The following PLCXD3 variants were observed in gnomAD, a reference collection of about 807,000 sequenced individuals.
PLCXD3 encodes PI-PLC X domain-containing protein 3.
In PLCXD3, 19 loss-of-function variants were observed where a neutral mutation model predicts 25.5. That is an observed-to-expected ratio of 0.75 (90% CI 0.52 to 1.09). The LOEUF (loss-of-function observed/expected upper bound fraction) is 1.09, where lower values mean the gene tolerates loss of function less well. Ranked by LOEUF, PLCXD3 falls within the 50% of genes least tolerant of loss-of-function variation. The pLI is 0.00. For missense variants in PLCXD3, 411 were observed against 388.1 expected (o/e 1.06, Z -0.50); for synonymous variants, 174 against 137.6 (o/e 1.26, Z -1.85).
At chr5:41,451,340 T>C (rs1246347418) in intron 1 of PLCXD3, among the ~76,000 whole-genome samples, 2 of 152,056 alleles carry the variant, frequency 1.3e-5, no homozygotes, top group Non-Finnish European at 2.9e-5. Flanking sequence ...CATAAGATGG[T>C]ATTTGAGGAA....
intron 2 of PLCXD3, among the ~76,000 whole-genome samples, chr5:41,335,488 G>A (rs192906848): frequency 1.3e-5 from 2 of 152,228 alleles, no homozygotes; most frequent in African/African-American, 4.8e-5. Context: ...TCCAGGTTTA[G>A]TATTGACTAC....
intron 2 of PLCXD3, among the ~76,000 whole-genome samples, chr5:41,370,752 T>C (rs1745070953): frequency 6.6e-6 from 1 of 151,980 alleles, no homozygotes; most frequent in South Asian, 2.1e-4. Flanking sequence ...CAAGAAAAAA[T>C]ATGCCTCCCT....
At chr5:41,324,096 G>GA (rs1442449957) in intron 2 of PLCXD3, among the ~76,000 whole-genome samples, 7 of 152,070 alleles carry the variant, frequency 4.6e-5, no homozygotes, top group East Asian at 1.9e-4. Context: ...GAAGAAAAGA[G>GA]AAAAAATCAG....
chr5:41,348,115 C>T, intron 2 of PLCXD3, among the ~76,000 whole-genome samples: 1 of 152,210 alleles, frequency 6.6e-6, no homozygotes, highest in Admixed American at 6.5e-5. Context: ...TTGTAAAATG[C>T]TTCTCACACT....
chr5:41,330,766 C>A (rs1180442419), intron 2 of PLCXD3, among the ~76,000 whole-genome samples: 1 of 152,108 alleles, frequency 6.6e-6, no homozygotes, highest in Non-Finnish European at 1.5e-5. Context: ...TGGGCTTCAT[C>A]CCTGGGATGC....
At chr5:41,470,207 T>C in intron 1 of PLCXD3, among the ~76,000 whole-genome samples, 1 of 152,146 alleles carries the variant, frequency 6.6e-6, no homozygotes, top group East Asian at 1.9e-4. Flanking sequence ...AATTATGATA[T>C]TTTGAAAGAA....
chr5:41,461,272 A>G (rs1747867748), intron 1 of PLCXD3, among the ~76,000 whole-genome samples: 1 of 151,974 alleles, frequency 6.6e-6, no homozygotes, highest in Non-Finnish European at 1.5e-5. Context: ...GTTTAAAAAA[A>G]TTTCTACAGG....
At chr5:41,365,096 T>A (rs998643953) in intron 2 of PLCXD3, among the ~76,000 whole-genome samples, 26 of 152,198 alleles carry the variant, frequency 1.7e-4, no homozygotes, top group Admixed American at 1.7e-3. Context: ...TGTGGCTGGA[T>A]CTTTCAAGCC....
chr5:41,416,375 C>T (rs1580362105), intron 1 of PLCXD3, among the ~76,000 whole-genome samples: 1 of 152,168 alleles, frequency 6.6e-6, no homozygotes. Context: ...ATGAATTGAG[C>T]TAAGTTTAAC....
At chr5:41,473,291 A>G (rs1748205951) in intron 1 of PLCXD3, among the ~76,000 whole-genome samples, 1 of 152,084 alleles carries the variant, frequency 6.6e-6, no homozygotes, top group South Asian at 2.1e-4. Flanking sequence ...TTGTGCTAAG[A>G]TTTCTATAGC....
intron 1 of PLCXD3, among the ~76,000 whole-genome samples, chr5:41,471,481 C>T (rs1748155905): frequency 6.6e-6 from 1 of 152,164 alleles, no homozygotes; most frequent in Non-Finnish European, 1.5e-5. Flanking sequence ...CAGTCCTAGC[C>T]AGAGGAGAAT....
In PLCXD3 at chr5:41,379,932, A is replaced by G. The variant is rs530512805; in HGVS notation, c.812+1894T>C. ...GTCATGCACTTTCATAGAGTATACAATGAATGGTTGGTAATGTTATTTAAA... is the reference window on the plus strand; with the variant it reads ...GTCATGCACTTTCATAGAGTATACAGTGAATGGTTGGTAATGTTATTTAAA... On this transcript the variant is annotated intron_variant, in intron 2 of 2. Coordinates refer to ENST00000377801, the MANE Select transcript of PLCXD3 (RefSeq NM_001005473.3). Among the ~76,000 whole-genome samples the G allele has an allele frequency of 2.6e-5, 4 of 152,222 alleles. No individual in the cohort carries two copies. The East Asian group carries it at 7.8e-4, about 30-fold the overall frequency.
chr5:41,320,209 C>G (rs1743424016), intron 2 of PLCXD3, among the ~76,000 whole-genome samples: 1 of 152,058 alleles, frequency 6.6e-6, no homozygotes, highest in Non-Finnish European at 1.5e-5. Flanking sequence ...CAATCCTACT[C>G]TAATTATTTT....
At chr5:41,326,370 G>A (rs183626039) in intron 2 of PLCXD3, among the ~76,000 whole-genome samples, 70 of 152,152 alleles carry the variant, frequency 4.6e-4, no homozygotes, top group Admixed American at 2.6e-3. Context: ...ATTAATTTGA[G>A]CATTATTATT....
At chr5:41,324,257 T>A (rs2150471127) in intron 2 of PLCXD3, among the ~76,000 whole-genome samples, 1 of 152,104 alleles carries the variant, frequency 6.6e-6, no homozygotes, top group African/African-American at 2.4e-5. Flanking sequence ...AAGAGCTGAG[T>A]GAGATTTAAG....
intron 1 of PLCXD3, among the ~76,000 whole-genome samples, chr5:41,383,182 A>C (rs1325451664): frequency 6.6e-6 from 1 of 152,136 alleles, no homozygotes; most frequent in Non-Finnish European, 1.5e-5. Flanking sequence ...ATAAATGATG[A>C]ACTGTTCTTG....
At chr5:41,429,492 T>G (rs1242307709) in intron 1 of PLCXD3, among the ~76,000 whole-genome samples, 1 of 152,138 alleles carries the variant, frequency 6.6e-6, no homozygotes, top group Non-Finnish European at 1.5e-5. Flanking sequence ...AAAGATTGAT[T>G]AAACAGGACT....
chr5:41,449,568 A>G (rs1432641200), intron 1 of PLCXD3, among the ~76,000 whole-genome samples: 1 of 152,140 alleles, frequency 6.6e-6, no homozygotes, highest in African/African-American at 2.4e-5. Context: ...TCATAAAAGG[A>G]CCATAGAGGA....
At chr5:41,496,365 GC>G (rs1297880187) in intron 1 of PLCXD3, among the ~76,000 whole-genome samples, 1 of 151,786 alleles carries the variant, frequency 6.6e-6, no homozygotes, top group African/African-American at 2.4e-5. Context: ...GATTCAAGAA[GC>G]CCAAATCTGA....
Sources: allele counts gnomAD v4.1 joint callset (sites outside exome capture counted in the v4.1 genomes callset), GRCh38; gene constraint gnomAD v4.1.1; transcripts MANE v1.5; gene names NCBI Gene and HGNC (gene_info 2026-07-23, HGNC 2026-07-21).